BMPR1A: variants seen among roughly 807,000 people sequenced by gnomAD.
The protein encoded by BMPR1A is bone morphogenetic protein receptor type 1A.
BMPR1A carries 7 observed loss-of-function variants against 66.0 expected under a neutral mutation model. The ratio of observed to expected loss-of-function variants is 0.11; its 90% CI spans 0.06 to 0.20. The LOEUF (loss-of-function observed/expected upper bound fraction) is 0.20. Among genes scored for constraint, BMPR1A ranks in the 10% least tolerant of loss-of-function variants. The pLI is 1.00. For missense variants in BMPR1A, 408 were observed against 669.1 expected, an observed-to-expected ratio of 0.61 and a Z score of 4.31; for synonymous variants, 200 against 229.7, an observed-to-expected ratio of 0.87 and a Z score of 1.17.
chr10:86,841,395 A>G (rs1842422430), intron 2 of BMPR1A, among the ~76,000 whole-genome samples: 1 of 152,230 alleles, frequency 6.6e-6, no homozygotes, highest in Non-Finnish European at 1.5e-5. Context: ...AATTTTCAAA[A>G]GAATTTGAAA....
At chr10:86,777,715 T>A (rs551106833) in intron 1 of BMPR1A, among the ~76,000 whole-genome samples, 1 of 152,284 alleles carries the variant, frequency 6.6e-6, no homozygotes, top group African/African-American at 2.4e-5. Context: ...TACAAGCTTT[T>A]AAAAATTTTA....
chr10:86,828,682 T>G (rs1477888853), intron 1 of BMPR1A, among the ~76,000 whole-genome samples: 1 of 152,154 alleles, frequency 6.6e-6, no homozygotes, highest in African/African-American at 2.4e-5. Context: ...GAAATTTAAC[T>G]GTTTTATGTG....
At chr10:86,856,042 G>A in intron 2 of BMPR1A, 3 of 606,508 alleles carry the variant, frequency 4.9e-6, no homozygotes, top group Admixed American at 3.9e-5. Flanking sequence ...GGGAATTTGT[G>A]CTTCAAAAAA....
At chr10:86,773,843 T>G (rs115469500) in intron 1 of BMPR1A, among the ~76,000 whole-genome samples, 2 of 148,518 alleles carry the variant, frequency 1.3e-5, no homozygotes, top group Admixed American at 1.4e-4. Flanking sequence ...CTGTACAGCA[T>G]GTATTTCATT....
chr10:86,808,321 G>A (rs1841920746), intron 1 of BMPR1A, among the ~76,000 whole-genome samples: 1 of 151,692 alleles, frequency 6.6e-6, no homozygotes, highest in Non-Finnish European at 1.5e-5. Flanking sequence ...CTTAGCTAAA[G>A]GCTTATCAAT....
At chr10:86,771,755 AGATT>A (rs143979852) in intron 1 of BMPR1A, among the ~76,000 whole-genome samples, 43 of 151,998 alleles carry the variant, frequency 2.8e-4, no homozygotes, top group African/African-American at 8.2e-4. Flanking sequence ...TTAATCTTTG[AGATT>A]GATTGATTGA....
chr10:86,760,224 TTTTCTTTC>T (rs578087418), intron 1 of BMPR1A, among the ~76,000 whole-genome samples: 5 of 89,440 alleles, frequency 5.6e-5, no homozygotes, highest in African/African-American at 9.7e-5. Flanking sequence ...CCTTATTGTT[TTTTCTTTC>T]TTTCTTTCTT....
chr10:86,867,525 T>C (rs1299016154), intron 2 of BMPR1A, among the ~76,000 whole-genome samples: 1 of 152,188 alleles, frequency 6.6e-6, no homozygotes, highest in Non-Finnish European at 1.5e-5. Context: ...CTGACAGACA[T>C]TACGAATCTC....
At chr10:86,826,484 G>T (rs919553472) in intron 1 of BMPR1A, among the ~76,000 whole-genome samples, 1 of 149,494 alleles carries the variant, frequency 6.7e-6, no homozygotes, top group Non-Finnish European at 1.5e-5. Flanking sequence ...TTTACTTTAG[G>T]ATAAGCCACT....
intron 3 of BMPR1A, among the ~76,000 whole-genome samples, chr10:86,878,557 G>T (rs1686047278): frequency 6.6e-6 from 1 of 152,158 alleles, no homozygotes; most frequent in South Asian, 2.1e-4. Flanking sequence ...GTAGATGTTT[G>T]CTGTACATTC....
At chr10:86,876,558 C>T (rs1282977027) in intron 3 of BMPR1A, among the ~76,000 whole-genome samples, 2 of 151,988 alleles carry the variant, frequency 1.3e-5, no homozygotes, top group East Asian at 1.9e-4. Flanking sequence ...CCGAGGTGGG[C>T]GGATCATGAG....
intron 3 of BMPR1A, among the ~76,000 whole-genome samples, chr10:86,883,217 G>A (rs1366887368): frequency 6.6e-6 from 1 of 151,932 alleles, no homozygotes; most frequent in South Asian, 2.1e-4. Flanking sequence ...GGCTGGGCAC[G>A]TTAGCTCATG....
intron 9 of BMPR1A, among the ~76,000 whole-genome samples, chr10:86,917,602 T>G (rs1564723588): frequency 6.6e-6 from 1 of 152,252 alleles, no homozygotes; most frequent in South Asian, 2.1e-4. Flanking sequence ...CAGTCTTTTA[T>G]AGATAACTTA....
chr10:86,828,923 G>A (rs916392014), intron 1 of BMPR1A, among the ~76,000 whole-genome samples: 3 of 152,204 alleles, frequency 2.0e-5, no homozygotes, highest in African/African-American at 4.8e-5. Context: ...ATGTGCAAGT[G>A]TTTTTATGCT....
At chr10:86,888,370 A>G (rs561434599) in intron 3 of BMPR1A, among the ~76,000 whole-genome samples, 1 of 152,192 alleles carries the variant, frequency 6.6e-6, no homozygotes, top group East Asian at 1.9e-4. Flanking sequence ...CGGGAGTCTG[A>G]GGCAGGAGAA....
chr10:86,866,092 C>T (rs1184089992), intron 2 of BMPR1A, among the ~76,000 whole-genome samples: 1 of 152,170 alleles, frequency 6.6e-6, no homozygotes, highest in African/African-American at 2.4e-5. Context: ...AGTCCCTTCT[C>T]CCCTCTTCCA....
upstream of BMPR1A, chr10:86,756,261 T>G (rs1847858589): frequency 6.6e-6 from 1 of 152,112 alleles, no homozygotes; most frequent in African/African-American, 2.4e-5. Flanking sequence ...GCGTGCTACC[T>G]ACGGCGTCTG....
intron 1 of BMPR1A, among the ~76,000 whole-genome samples, chr10:86,795,101 T>C (rs10159699): frequency 0.023 from 3,436 of 152,192 alleles, 137 homozygotes; most frequent in African/African-American, 0.079. Context: ...TCTGCCTGCT[T>C]CTGCCTCCCA....
At chr10:86,773,263 A>G (rs924972778) in intron 1 of BMPR1A, among the ~76,000 whole-genome samples, 4 of 151,724 alleles carry the variant, frequency 2.6e-5, no homozygotes, top group Non-Finnish European at 5.9e-5. Flanking sequence ...AATAAGATGT[A>G]GGGAAGCAGA....
Sources: allele counts gnomAD v4.1 joint callset (sites outside exome capture counted in the v4.1 genomes callset), GRCh38; gene constraint gnomAD v4.1.1; transcripts MANE v1.5; gene names NCBI Gene and HGNC (gene_info 2026-07-23, HGNC 2026-07-21).